DNAH10: variants seen among roughly 807,000 people sequenced by gnomAD.
DNAH10 encodes the protein dynein axonemal heavy chain 10.
A neutral mutation model predicts 506.6 loss-of-function variants in DNAH10; 348 were observed. The ratio of observed to expected loss-of-function variants is 0.69; its 90% CI spans 0.63 to 0.75. The LOEUF (loss-of-function observed/expected upper bound fraction) is 0.75. Among genes scored for constraint, DNAH10 ranks in the 30% least tolerant of loss-of-function variants. DNAH10 has a pLI of 0.00. For missense variants in DNAH10, 5,179 were observed against 5,787.1 expected (o/e 0.89, Z 3.41); for synonymous variants, 2,059 against 2,198.6 (o/e 0.94, Z 1.78).
intron 28 of DNAH10, among the ~76,000 whole-genome samples, 192 bp downstream of exon 28, chr12:123,835,720 G>C (rs1044848904): frequency 6.6e-6 from 1 of 152,134 alleles, no homozygotes; most frequent in African/African-American, 2.4e-5. Flanking sequence ...GAACTTATGG[G>C]CTAAAGAGAT....
chr12:123,805,689 A>G (rs935456203), intron 18 of DNAH10, among the ~76,000 whole-genome samples: 18 of 151,888 alleles, frequency 1.2e-4, no homozygotes, highest in African/African-American at 4.1e-4. Context: ...TTTATCATGC[A>G]GTGTCTTCCT....
intron 55 of DNAH10, among the ~76,000 whole-genome samples, chr12:123,898,240 G>A (rs1333605919): frequency 6.6e-6 from 1 of 152,086 alleles, no homozygotes; most frequent in Non-Finnish European, 1.5e-5. Flanking sequence ...TTAGGGATAG[G>A]GTCTCTGTTT....
At position 123,891,554 on chromosome 12, in the gene DNAH10, CAG is replaced by C. The variant is rs533145558; in HGVS notation, c.8996-1675_8996-1674del. Among the ~76,000 whole-genome samples the C allele has an allele frequency of 3.9e-3, 592 of 152,092 alleles. 5 individuals are homozygous for C. Among genetic ancestry groups the C allele is most frequent in the African/African-American group, 0.012 (500 of 41,468 alleles). On this transcript the variant is annotated intron_variant, in intron 52 of 78. Transcript: ENST00000673944. ...TGAGTTCAGGTGGAAGAGGAACGAGCAGAGACTGAGAGGGCAGGCGGAGCACG... is the reference window on the plus strand; with the variant it reads ...TGAGTTCAGGTGGAAGAGGAACGAGCAGACTGAGAGGGCAGGCGGAGCACG...
chr12:123,851,260 C>CTG (rs10695667), intron 35 of DNAH10, among the ~76,000 whole-genome samples, 184 bp downstream of exon 35: 28 of 137,652 alleles, frequency 2.0e-4, no homozygotes, highest in African/African-American at 8.5e-4. Context: ...CTCTTCCAGA[C>CTG]GGGACCTAGG....
intron 77 of DNAH10, chr12:123,934,282 T>A (rs1476538687): frequency 2.9e-6 from 2 of 693,466 alleles, no homozygotes; most frequent in African/African-American, 3.5e-5. Context: ...CCATTCTGAC[T>A]CTGGGACCAT....
intron 26 of DNAH10, among the ~76,000 whole-genome samples, chr12:123,832,344 A>T (rs1370552178): frequency 6.6e-6 from 1 of 152,208 alleles, no homozygotes; most frequent in Non-Finnish European, 1.5e-5. Context: ...ATGTACACAC[A>T]TATACATATA....
At chr12:123,833,528 T>C (rs775837740) in intron 27 of DNAH10, among the ~76,000 whole-genome samples, 181 bp downstream of exon 27, 2 of 152,234 alleles carry the variant, frequency 1.3e-5, no homozygotes, top group Non-Finnish European at 2.9e-5. Flanking sequence ...ATCAAAGGAA[T>C]TGATCTGAAT....
chr12:123,828,592 A>G (rs533083361), intron 25 of DNAH10, among the ~76,000 whole-genome samples: 10 of 152,256 alleles, frequency 6.6e-5, no homozygotes, highest in Non-Finnish European at 1.0e-4. Flanking sequence ...CCTGAAGGGA[A>G]AGGAATGTTC....
In DNAH10 at chr12:123,931,364, G is replaced by A. The variant is rs1486998367; in HGVS notation, c.12808G>A (p.Ala4270Thr). The change falls in exon 74 of 79, where the codon GCC becomes ACC. Residue 4270 changes from alanine to threonine, a missense_variant. By Grantham distance (58) the Ala-to-Thr change is moderately conservative. This residue lies in a region of DNAH10 where 4,844 missense variants were observed against 5,430.5 expected (regional missense o/e 0.89). Transcript: ENST00000673944. Reference protein sequence around the residue: ...FVEAIEALPLANTPEVFGLHP... With the variant: ...FVEAIEALPLTNTPEVFGLHP... The stretch of plus-strand genomic sequence containing the variant: ...AGAAGCCATCGAGGCCCTCCCGCTT[G>A]CCAACACGCCAGAAGTGTTTGGTCT... 6.2e-7 allele frequency: 1 copy of A among 1,613,718 alleles called. No homozygotes were observed. The highest frequency in any genetic ancestry group is 1.3e-5 in the African/African-American group (1 of 74,912).
rs757412730 is a variant in DNAH10, at chr12:123,929,459, A to G, written c.12491A>G (p.Tyr4164Cys). The change falls in exon 71 of 79, where the codon TAT becomes TGT. Residue 4164 changes from tyrosine (Y) to cysteine (C), a missense_variant. Tyr to Cys is a radical substitution (Grantham distance 194). This residue lies in a region of DNAH10 where 4,844 missense variants were observed against 5,430.5 expected (regional missense o/e 0.89). Transcript: ENST00000673944. ...KFGKIGWNVY[Y>C]DFNESDFQVC... ...GGGAAGATTGGCTGGAACGTGTACT[A>G]TGACTTCAATGAGTCTGACTTCCAG... 5 of 1,613,502 alleles carry G rather than the reference A, an allele frequency of 3.1e-6. No individual in the cohort carries two copies. The highest frequency in any genetic ancestry group is 1.7e-5 in the Admixed American group (1 of 59,966).
Position 123,850,747 on chromosome 12 carries a change from A to G in DNAH10, c.6103-141A>G. 1 of 879,264 alleles carries G rather than the reference A, an allele frequency of 1.1e-6. No individual in the cohort carries two copies. The highest frequency in any genetic ancestry group is 1.7e-6 in the Non-Finnish European group (1 of 596,802). The allele number at this position is 879,264 out of a possible 1,614,324, so 54.5% of individuals were successfully genotyped here. A position where few individuals can be genotyped will look rare whatever the true frequency, so the allele number is the denominator to read the frequency against. ...GGGGGCCCTGCATTGAACACCGGGG[A>G]GGGAAAAAGAGACAAGTGGTGTTGT... On this transcript the variant is annotated intron_variant, in intron 34 of 78. Transcript: ENST00000673944. This position sits in a 1 kb window ranked among gnomAD's most constrained non-coding sequence, Gnocchi z 5.5.
chr12:123,812,723 C>T (rs116021417), intron 19 of DNAH10, among the ~76,000 whole-genome samples: 1,929 of 152,238 alleles, frequency 0.013, 38 homozygotes, highest in African/African-American at 0.043. Flanking sequence ...CTGAACAGTT[C>T]TTCTGGTCTT....
At chr12:123,809,593 G>A (rs936781308) in intron 19 of DNAH10, among the ~76,000 whole-genome samples, 8 of 152,228 alleles carry the variant, frequency 5.3e-5, no homozygotes, top group African/African-American at 1.9e-4. Flanking sequence ...AGGGTACAGT[G>A]AGGTATGGTT....
At chr12:123,910,725 T>A in intron 59 of DNAH10, 53 bp downstream of exon 59, 1 of 1,596,818 alleles carries the variant, frequency 6.3e-7, no homozygotes, top group Admixed American at 1.7e-5. Flanking sequence ...CCATTCAGAG[T>A]CAGAATTCAC....
At chr12:123,806,781 T>TG (rs1189383756) in intron 18 of DNAH10, among the ~76,000 whole-genome samples, 2 of 151,710 alleles carry the variant, frequency 1.3e-5, no homozygotes, top group Non-Finnish European at 2.9e-5. Flanking sequence ...TTTTTTTTTT[T>TG]TTTTGAGACG....
intron 19 of DNAH10, among the ~76,000 whole-genome samples, chr12:123,811,547 C>T (rs112319462): frequency 0.027 from 4,034 of 151,806 alleles, 162 homozygotes; most frequent in African/African-American, 0.086. Flanking sequence ...TTCGCCTAGG[C>T]TGGAGTGCAG....
rs371346899 is a variant in DNAH10 at position 123,910,591 on chromosome 12, C to T, written c.10053C>T (p.Ala3351=). Residue 3351 remains alanine (A), a synonymous_variant, in exon 59 of 79, where the codon GCC becomes GCT. Transcript: ENST00000673944. ...AAGAAATGGAAGCTGTCAGCAAAGC[C>T]GGGCTGGGGATGCTGAAATTTGTTG... ...TTEEMEAVSK[A]GLGMLKFVEA... 2.9e-5 allele frequency: 47 copies of T among 1,613,490 alleles called. No homozygotes were observed. Among genetic ancestry groups the T allele is most frequent in the Middle Eastern group, 3.3e-4 (2 of 6,082 alleles).
rs576702510 is a variant in DNAH10, at chr12:123,856,083, A to T, written c.6439-973A>T. Among the ~76,000 whole-genome samples, 15 of 147,714 alleles carry T rather than the reference A, an allele frequency of 1.0e-4. No homozygotes were observed. The South Asian group carries it at 2.1e-3, about 21-fold the overall frequency. On this transcript the variant is annotated intron_variant, in intron 36 of 78. Transcript: ENST00000673944. ...ATATTCATATTACACATAATATCTT[A>T]TACATATTTTATACTATATAATATA... is the stretch of plus-strand genomic sequence containing the variant.
intron 48 of DNAH10, among the ~76,000 whole-genome samples, chr12:123,878,765 GGTATGTACCT>G (rs1952371008): frequency 1.3e-5 from 2 of 152,124 alleles, no homozygotes; most frequent in Non-Finnish European, 2.9e-5. Flanking sequence ...TGAGTGTGGT[GGTATGTACCT>G]GTAGTCCCAG....
Sources: allele counts gnomAD v4.1 joint callset (sites outside exome capture counted in the v4.1 genomes callset), GRCh38; gene constraint gnomAD v4.1.1; regional missense constraint gnomAD v4.1.1; non-coding constraint Gnocchi (gnomAD v3.1); transcripts MANE v1.5; gene names NCBI Gene and HGNC (gene_info 2026-07-23, HGNC 2026-07-21).